The following TUFT1 variants were observed in gnomAD, a reference collection of about 807,000 sequenced individuals.
TUFT1 encodes tuftelin.
In TUFT1, 43 loss-of-function variants were observed where a neutral mutation model predicts 57.8. The ratio of observed to expected loss-of-function variants is 0.74; its 90% CI spans 0.58 to 0.96. The LOEUF is 0.96. TUFT1 is among the 40% of genes least tolerant of loss of function. TUFT1 has a pLI of 0.00. For missense variants in TUFT1, 459 were observed against 489.0 expected (o/e 0.94, Z 0.58); for synonymous variants, 166 against 176.7 (o/e 0.94, Z 0.48).
chr1:151,573,406 C>A (rs968154201), intron 7 of TUFT1, among the ~76,000 whole-genome samples: 2 of 152,200 alleles, frequency 1.3e-5, no homozygotes, highest in African/African-American at 4.8e-5. Flanking sequence ...AGAAAGGAGG[C>A]AAGTTCTTTG....
intron 12 of TUFT1, 113 bp from the exon 13 acceptor site, chr1:151,581,531 C>A: frequency 2.0e-6 from 2 of 980,778 alleles, no homozygotes; most frequent in Admixed American, 2.0e-5. Context: ...GATCAGCCAG[C>A]ACTGCAGTGT....
At chr1:151,575,675 TTAATAAA>T (rs1485370143) in intron 9 of TUFT1, among the ~76,000 whole-genome samples, 1 of 152,210 alleles carries the variant, frequency 6.6e-6, no homozygotes, top group Non-Finnish European at 1.5e-5. Flanking sequence ...CTGTTGGCAA[TTAATAAA>T]TAAGACCTCA....
chr1:151,543,467 C>A (rs1356103913), intron 1 of TUFT1, among the ~76,000 whole-genome samples: 3 of 151,598 alleles, frequency 2.0e-5, no homozygotes, highest in Non-Finnish European at 4.4e-5. Flanking sequence ...AATAAAAGAA[C>A]AAATAAACAC....
In TUFT1 at chr1:151,569,937, GT is replaced by G. The variant is rs991960659; in HGVS notation, c.594+170del. ...TTGTCTGCTTTTCCCTCTCCTGGAC[GT>G]TTACACTGTTTACTGTCCAAGGCCA... is the stretch of plus-strand genomic sequence containing the variant. On this transcript the variant is annotated intron_variant, in intron 7 of 12. Transcript: ENST00000368849. 2.2e-4 allele frequency: 127 copies of G among 581,758 alleles called. No individual in the cohort carries two copies. The African/African-American group carries it at 2.2e-3, about 10-fold the overall frequency. The allele number at this position is 581,758 out of a possible 1,614,324, so 36.0% of individuals were successfully genotyped here.
Position 151,562,567 on chromosome 1 carries a change from T to TCA in TUFT1, c.136-17_136-16dup. 1 of 1,599,994 alleles carries TCA rather than the reference T, an allele frequency of 6.3e-7. No homozygotes were observed. ...CCATCTCTCTCTCTCTCTCTCTCTCTCATCTCTCTTTGGCCAGGCGGGCAG... is the reference window on the plus strand; with the variant it reads ...CCATCTCTCTCTCTCTCTCTCTCTCTCACATCTCTCTTTGGCCAGGCGGGCAG... On this transcript the variant is annotated splice_polypyrimidine_tract_variant and intron_variant, in intron 2 of 12. Transcript: ENST00000368849.
chr1:151,570,829 C>A (rs1475974221), intron 7 of TUFT1, among the ~76,000 whole-genome samples: 1 of 152,180 alleles, frequency 6.6e-6, no homozygotes, highest in Non-Finnish European at 1.5e-5. Context: ...ACTTCAGCCT[C>A]CTGAGTAGCT....
chr1:151,557,335 A>G (rs954094095), intron 1 of TUFT1: 6 of 577,184 alleles, frequency 1.0e-5, no homozygotes, highest in African/African-American at 9.4e-5. Context: ...CTCTGCATAC[A>G]TTTAGAACCA....
intron 1 of TUFT1, among the ~76,000 whole-genome samples, chr1:151,555,632 C>T (rs1245146773): frequency 6.6e-6 from 1 of 151,626 alleles, no homozygotes; most frequent in Non-Finnish European, 1.5e-5. Flanking sequence ...CAAAAATTAG[C>T]CGGACGTTGT....
intron 1 of TUFT1, among the ~76,000 whole-genome samples, chr1:151,551,897 TGTCCA>T (rs1379480961): frequency 6.6e-6 from 1 of 152,174 alleles, no homozygotes; most frequent in East Asian, 1.9e-4. Flanking sequence ...ACATCACAAA[TGTCCA>T]GTCAAGTAAT....
intron 10 of TUFT1, among the ~76,000 whole-genome samples, chr1:151,579,088 G>A (rs1209052439): frequency 6.6e-6 from 1 of 152,254 alleles, no homozygotes; most frequent in East Asian, 1.9e-4. Flanking sequence ...TGTGAAGAGT[G>A]TGGGTAAATG....
chr1:151,554,396 TA>T (rs1293757372), intron 1 of TUFT1, among the ~76,000 whole-genome samples: 2 of 152,340 alleles, frequency 1.3e-5, no homozygotes, highest in East Asian at 3.9e-4. Flanking sequence ...AGTGTTTTTT[TA>T]AATTTTATTT....
Position 151,562,138 on chromosome 1 carries a change from A to C in TUFT1, c.108A>C (p.Gly36=). 6.2e-7 allele frequency: 1 copy of C among 1,614,156 alleles called. No individual in the cohort carries two copies. Among genetic ancestry groups the C allele is most frequent in the Non-Finnish European group, 8.5e-7 (1 of 1,180,012 alleles). ...TGACTCTCCAGGGTGAACTGACAGG[A>C]GATGAACTTGAACACATAGCCCAGA... is the stretch of plus-strand genomic sequence containing the variant. ...LRLTLQGELT[G]DELEHIAQKA... is the part of the protein sequence containing the mutation. The change falls in exon 2 of 13, where the codon GGA becomes GGC. Residue 36 remains glycine, a synonymous_variant. Transcript: ENST00000368849.
intron 6 of TUFT1, among the ~76,000 whole-genome samples, chr1:151,568,064 G>A (rs1047939737): frequency 3.3e-5 from 5 of 152,126 alleles, no homozygotes; most frequent in African/African-American, 1.2e-4. Flanking sequence ...TGTACAGTAT[G>A]TAGCATTTCT....
intron 1 of TUFT1, among the ~76,000 whole-genome samples, chr1:151,548,403 A>G (rs908394879): frequency 5.3e-5 from 8 of 151,320 alleles, no homozygotes; most frequent in Non-Finnish European, 1.2e-4. Context: ...CCCAGGTTCA[A>G]GTGATTCTCC....
chr1:151,541,993 C>T (rs983835852), intron 1 of TUFT1, among the ~76,000 whole-genome samples: 5 of 152,156 alleles, frequency 3.3e-5, no homozygotes, highest in Non-Finnish European at 5.9e-5. Context: ...ACTTCAGATG[C>T]ACACCACCTA....
At position 151,574,950 on chromosome 1, in the gene TUFT1, G is replaced by A. The variant is rs764733251; in HGVS notation, c.763G>A (p.Val255Met). Residue 255 changes from valine to methionine, a missense_variant, in exon 9 of 13, where the codon GTG (valine) becomes ATG (methionine). By Grantham distance (21) the Val-to-Met change is conservative. Transcript: ENST00000368849. ...ALLAKVREGE[V>M]ALEELRSNNA... ...ACTGGCGAAAGTGAGGGAAGGGGAG[G>A]TGGCCCTAGAGGAACTTCGGAGCAA... 1.3e-6 allele frequency: 2 copies of A among 1,578,308 alleles called. No homozygotes were observed. The highest frequency in any genetic ancestry group is 1.7e-6 in the Non-Finnish European group (2 of 1,161,654).
chr1:151,571,587 T>C (rs1469291040), intron 7 of TUFT1, among the ~76,000 whole-genome samples: 2 of 152,088 alleles, frequency 1.3e-5, no homozygotes, highest in Non-Finnish European at 2.9e-5. Context: ...ATTTGTATAA[T>C]TTAGTTGGTG....
chr1:151,569,446 G>A (rs1666180099), intron 6 of TUFT1, among the ~76,000 whole-genome samples: 1 of 152,198 alleles, frequency 6.6e-6, no homozygotes, highest in African/African-American at 2.4e-5. Context: ...AGGCTAGCAG[G>A]GTTCTTTAGG....
At chr1:151,545,291 C>T (rs989147768) in intron 1 of TUFT1, among the ~76,000 whole-genome samples, 2 of 151,380 alleles carry the variant, frequency 1.3e-5, no homozygotes, top group African/African-American at 2.4e-5. Flanking sequence ...GCCTGGGCAA[C>T]AAGAGTGAAA....
Sources: gnomAD v4.1 joint callset for allele counts (sites outside exome capture counted in the v4.1 genomes callset) on GRCh38, gnomAD v4.1.1 for gene constraint, MANE v1.5 for transcripts, NCBI Gene and HGNC (gene_info 2026-07-23, HGNC 2026-07-21) for gene names.